The following INPP4B variants were observed in gnomAD, a reference collection of about 807,000 sequenced individuals.
INPP4B encodes inositol polyphosphate-4-phosphatase type II B.
INPP4B carries 55 observed loss-of-function variants against 122.5 expected under a neutral mutation model. That is an observed-to-expected ratio of 0.45 (90% CI 0.36 to 0.56). INPP4B has a LOEUF of 0.56. Ranked by LOEUF, INPP4B falls within the 20% of genes least tolerant of loss-of-function variation. INPP4B has a pLI of 0.00. For missense variants in INPP4B, 1,000 were observed against 1,097.7 expected, an observed-to-expected ratio of 0.91 and a Z score of 1.26; for synonymous variants, 403 against 388.7, an observed-to-expected ratio of 1.04 and a Z score of -0.43.
At chr4:142,538,952 A>G (rs1448348919) in intron 2 of INPP4B, among the ~76,000 whole-genome samples, 1 of 151,876 alleles carries the variant, frequency 6.6e-6, no homozygotes, top group Non-Finnish European at 1.5e-5. Context: ...AATTTTATCA[A>G]TTATACCTCA....
chr4:142,491,237 T>A (rs560427692), intron 2 of INPP4B, among the ~76,000 whole-genome samples: 1 of 152,242 alleles, frequency 6.6e-6, no homozygotes, highest in East Asian at 1.9e-4. Context: ...ACCTTTTATA[T>A]AAAAATCAAC....
At chr4:142,456,777 A>G (rs1404924246) in intron 3 of INPP4B, among the ~76,000 whole-genome samples, 1 of 152,132 alleles carries the variant, frequency 6.6e-6, no homozygotes, top group Non-Finnish European at 1.5e-5. Context: ...AAACTGATCT[A>G]TAGATGATTG....
At chr4:142,190,172 A>G (rs567738914) in intron 15 of INPP4B, among the ~76,000 whole-genome samples, 1 of 150,416 alleles carries the variant, frequency 6.6e-6, no homozygotes, top group East Asian at 2.0e-4. Context: ...AGACTTGGCT[A>G]TCTGGGTTTT....
intron 2 of INPP4B, among the ~76,000 whole-genome samples, chr4:142,700,739 G>T (rs6830053): frequency 5.9e-5 from 9 of 151,778 alleles, no homozygotes; most frequent in East Asian, 1.9e-4. Context: ...CTTAGAAGTA[G>T]GTCACATGAC....
chr4:142,506,934 G>T (rs779909803), intron 2 of INPP4B, among the ~76,000 whole-genome samples: 1 of 152,096 alleles, frequency 6.6e-6, no homozygotes. Flanking sequence ...GAAAAGATGA[G>T]CCTATTTCAT....
At chr4:142,833,025 G>T (rs1782353212) in intron 1 of INPP4B, among the ~76,000 whole-genome samples, 2 of 151,542 alleles carry the variant, frequency 1.3e-5, no homozygotes, top group Non-Finnish European at 2.9e-5. Context: ...AATCCATTTG[G>T]TTTTTTTCTT....
At chr4:142,712,600 T>A (rs1302690294) in intron 2 of INPP4B, among the ~76,000 whole-genome samples, 2 of 152,148 alleles carry the variant, frequency 1.3e-5, no homozygotes, top group Non-Finnish European at 2.9e-5. Context: ...GAAAAAAAAA[T>A]TGATAAATTA....
At chr4:142,583,856 AT>A (rs144482012) in intron 2 of INPP4B, among the ~76,000 whole-genome samples, 16,575 of 151,670 alleles carry the variant, frequency 0.11, 955 homozygotes, top group South Asian at 0.15. Flanking sequence ...AGCCTTTTCC[AT>A]TTTTTTTCTG....
chr4:142,438,074 A>G (rs993798844), intron 3 of INPP4B, among the ~76,000 whole-genome samples: 3 of 152,238 alleles, frequency 2.0e-5, no homozygotes, highest in East Asian at 1.9e-4. Flanking sequence ...ATGGAAAAAC[A>G]TTCCACGCTC....
Position 142,264,570 on chromosome 4 carries a change from CTCT to C in INPP4B, c.616-4009_616-4007del, listed in dbSNP as rs958668054. On this transcript the variant is annotated intron_variant, in intron 10 of 25. Transcript: ENST00000262992. ...GAAACAATCTAATATGGTAAATGAC[CTCT>C]GAGCAATCTTCCCTTGATAATAAAT... is the stretch of plus-strand genomic sequence containing the variant. Among the ~76,000 whole-genome samples the C allele has an allele frequency of 1.4e-4, 21 of 152,124 alleles. No individual in the cohort carries two copies. The East Asian group carries it at 3.9e-3, about 28-fold the overall frequency.
chr4:142,544,997 A>C (rs1241206004), intron 2 of INPP4B, among the ~76,000 whole-genome samples: 1 of 152,190 alleles, frequency 6.6e-6, no homozygotes, highest in Admixed American at 6.5e-5. Context: ...ACATTCTAAG[A>C]GTTGTACATG....
At chr4:142,717,601 G>A (rs756341528) in intron 2 of INPP4B, among the ~76,000 whole-genome samples, 35 of 152,154 alleles carry the variant, frequency 2.3e-4, no homozygotes, top group Non-Finnish European at 4.1e-4. Flanking sequence ...GGACATGGAT[G>A]AAGCTGGAAA....
intron 2 of INPP4B, among the ~76,000 whole-genome samples, chr4:142,509,975 G>A (rs1824503249): frequency 1.3e-5 from 2 of 152,068 alleles, no homozygotes; most frequent in African/African-American, 4.8e-5. Flanking sequence ...GGAAATAAAT[G>A]GCATCTAATT....
rs187711444 is a variant in INPP4B at position 142,464,944 on chromosome 4, C to T, written c.-190-2218G>A. Among the ~76,000 whole-genome samples the T allele has an allele frequency of 2.0e-3, 299 of 152,266 alleles. 1 individual carries two copies. The highest frequency in any genetic ancestry group is 3.2e-3 in the Non-Finnish European group (218 of 68,018). On this transcript the variant is annotated intron_variant, in intron 2 of 25. Transcript: ENST00000262992. ...ATCCTGTCCTTATTAACAGAACAGA[C>T]TGCACATCTCTTCTGGATGTTTTAG...
Position 142,490,695 on chromosome 4 carries a change from T to C in INPP4B, c.-190-27969A>G, listed in dbSNP as rs1050432603. 8.5e-5 allele frequency among the ~76,000 whole-genome samples: 13 copies of C among 152,248 alleles called. No individual in the cohort carries two copies. In the East Asian group the frequency reaches 2.5e-3, roughly 29 times the overall value. ...AAATTTTGTATCCTTGGACCAACATTTCCACAATGCCTCTACTCCAGCCTA... is the reference window on the plus strand; with the variant it reads ...AAATTTTGTATCCTTGGACCAACATCTCCACAATGCCTCTACTCCAGCCTA... On this transcript the variant is annotated intron_variant, in intron 2 of 25. Transcript: ENST00000262992.
At chr4:142,626,959 A>T (rs1746569621) in intron 2 of INPP4B, among the ~76,000 whole-genome samples, 1 of 152,034 alleles carries the variant, frequency 6.6e-6, no homozygotes, top group Admixed American at 6.6e-5. Context: ...GAAAGCCTCA[A>T]GTAGCTAGGT....
At chr4:142,062,203 G>T (rs1210980331) in intron 25 of INPP4B, among the ~76,000 whole-genome samples, 1 of 151,876 alleles carries the variant, frequency 6.6e-6, no homozygotes, top group Non-Finnish European at 1.5e-5. Flanking sequence ...GCGCACCAAG[G>T]GAACATCCTA....
intron 3 of INPP4B, among the ~76,000 whole-genome samples, chr4:142,445,422 C>T (rs756646217): frequency 2.6e-5 from 4 of 152,050 alleles, no homozygotes; most frequent in Non-Finnish European, 5.9e-5. Flanking sequence ...ACTGGTGTGG[C>T]CACATCAATG....
intron 7 of INPP4B, among the ~76,000 whole-genome samples, chr4:142,321,992 C>G (rs1770256121): frequency 6.6e-6 from 1 of 152,110 alleles, no homozygotes; most frequent in South Asian, 2.1e-4. Context: ...AAACATGTAT[C>G]AAGCACATAT....
Sources: allele counts gnomAD v4.1 joint callset (sites outside exome capture counted in the v4.1 genomes callset), GRCh38; gene constraint gnomAD v4.1.1; transcripts MANE v1.5; gene names NCBI Gene and HGNC (gene_info 2026-07-23, HGNC 2026-07-21).